CMSS1: variants seen among roughly 807,000 people sequenced by gnomAD.
CMSS1 encodes the protein protein CMSS1.
Under a neutral mutation model 43.5 loss-of-function variants are expected in CMSS1, and 33 were observed. That is an observed-to-expected ratio of 0.76 (90% CI 0.57 to 1.01). The LOEUF (loss-of-function observed/expected upper bound fraction) is 1.01. Among genes scored for constraint, CMSS1 ranks in the 50% least tolerant of loss-of-function variants. CMSS1 has a pLI of 0.00. For missense variants in CMSS1, 313 were observed against 326.4 expected, an observed-to-expected ratio of 0.96 and a Z score of 0.32; for synonymous variants, 115 against 117.2, an observed-to-expected ratio of 0.98 and a Z score of 0.12.
chr3:100,045,372 CAAAG>C (rs766705475), intron 1 of CMSS1, among the ~76,000 whole-genome samples: 11 of 152,144 alleles, frequency 7.2e-5, no homozygotes, highest in Admixed American at 2.0e-4. Context: ...CACTAATTGA[CAAAG>C]AGGAGAGTGG....
intron 1 of CMSS1, among the ~76,000 whole-genome samples, chr3:99,832,259 C>T (rs1242256843): frequency 6.9e-6 from 1 of 144,608 alleles, no homozygotes; most frequent in African/African-American, 2.6e-5. Context: ...GAGACGGAGT[C>T]TCGCTGTATC....
At position 100,172,336 on chromosome 3, in the gene CMSS1, G is replaced by T; in HGVS notation, c.600G>T (p.Leu200Phe). 6.2e-7 allele frequency: 1 copy of T among 1,613,874 alleles called. No individual in the cohort carries two copies. The highest frequency in any genetic ancestry group is 8.5e-7 in the Non-Finnish European group (1 of 1,179,880). ...KHIKVQAQVKLLEKRVVHLGV... is the reference protein window; with the variant it reads ...KHIKVQAQVKFLEKRVVHLGV... ...AACAGGTCCAGGCGCAGGTAAAGTTGCTGGAGAAGCGTGTGGTGCACCTGG... is the reference window on the plus strand; with the variant it reads ...AACAGGTCCAGGCGCAGGTAAAGTTTCTGGAGAAGCGTGTGGTGCACCTGG... Residue 200 changes from leucine to phenylalanine, a missense_variant, in exon 8 of 10, where the codon TTG becomes TTT. Leu to Phe is a conservative substitution (Grantham distance 22, BLOSUM62 0). Transcript: ENST00000421999.
At chr3:99,876,208 T>G (rs894204891) in intron 1 of CMSS1, 1 of 985,342 alleles carries the variant, frequency 1.0e-6, no homozygotes, top group Non-Finnish European at 1.2e-6. Flanking sequence ...CCTATGGGCG[T>G]TACGTCACTG....
At chr3:100,072,035 G>A (rs766136924) in intron 1 of CMSS1, among the ~76,000 whole-genome samples, 5 of 152,198 alleles carry the variant, frequency 3.3e-5, no homozygotes, top group South Asian at 2.1e-4. Context: ...TAATTAGCAC[G>A]TTAGGATAAA....
chr3:100,113,760 A>T (rs1346607865), intron 1 of CMSS1, among the ~76,000 whole-genome samples: 1 of 152,220 alleles, frequency 6.6e-6, no homozygotes, highest in Non-Finnish European at 1.5e-5. Flanking sequence ...TTGACTATCC[A>T]TCTTACTCTT....
intron 1 of CMSS1, among the ~76,000 whole-genome samples, chr3:99,926,829 G>A (rs931690556): frequency 1.3e-5 from 2 of 151,844 alleles, no homozygotes; most frequent in Admixed American, 6.6e-5. Context: ...TTATATGTTC[G>A]TGGTTGTTTG....
chr3:99,849,292 A>G (rs1802924), intron 1 of CMSS1: 2 of 1,614,140 alleles, frequency 1.2e-6, no homozygotes, highest in African/African-American at 2.7e-5. Context: ...TTTAGAAAAT[A>G]CTTGAGGATC....
At chr3:100,100,208 TCTC>T (rs2066280758) in intron 1 of CMSS1, among the ~76,000 whole-genome samples, 1 of 152,078 alleles carries the variant, frequency 6.6e-6, no homozygotes, top group African/African-American at 2.4e-5. Flanking sequence ...CAAGTAGCCT[TCTC>T]CTGAGATATT....
At chr3:100,014,634 T>C (rs1379618812) in intron 1 of CMSS1, among the ~76,000 whole-genome samples, 1 of 152,120 alleles carries the variant, frequency 6.6e-6, no homozygotes, top group African/African-American at 2.4e-5. Context: ...CATTTGGATG[T>C]CTTCTTTTGA....
At chr3:99,881,877 A>G (rs1032308188) in intron 1 of CMSS1, among the ~76,000 whole-genome samples, 5 of 152,160 alleles carry the variant, frequency 3.3e-5, no homozygotes, top group Non-Finnish European at 5.9e-5. Context: ...CCACTGACAG[A>G]TTTTCCCATG....
intron 1 of CMSS1, among the ~76,000 whole-genome samples, chr3:100,026,897 TG>T (rs1403179029): frequency 1.3e-5 from 2 of 152,138 alleles, no homozygotes; most frequent in Middle Eastern, 3.2e-3. Context: ...TTACTCAGCA[TG>T]AAAGCCAAGA....
chr3:99,935,083 TTAAG>T (rs1474079359), intron 1 of CMSS1, among the ~76,000 whole-genome samples: 1 of 152,150 alleles, frequency 6.6e-6, no homozygotes, highest in East Asian at 1.9e-4. Context: ...TGAGAAATAA[TTAAG>T]TATCTAGAGG....
intron 1 of CMSS1, among the ~76,000 whole-genome samples, chr3:99,861,948 C>T (rs1405414196): frequency 1.3e-5 from 2 of 152,146 alleles, no homozygotes; most frequent in Non-Finnish European, 2.9e-5. Flanking sequence ...TAGAGCCTCC[C>T]TCACAATAGG....
chr3:99,983,874 A>G (rs1235284160), intron 1 of CMSS1, among the ~76,000 whole-genome samples: 1 of 152,146 alleles, frequency 6.6e-6, no homozygotes, highest in Non-Finnish European at 1.5e-5. Context: ...ATAACTTGCC[A>G]GAAGAAGTAA....
chr3:100,011,158 C>T (rs1710145046), intron 1 of CMSS1, among the ~76,000 whole-genome samples: 1 of 152,052 alleles, frequency 6.6e-6, no homozygotes, highest in African/African-American at 2.4e-5. Flanking sequence ...TTACTTTTCC[C>T]TAATGGTTCT....
chr3:100,104,639 A>G (rs1239626006), intron 1 of CMSS1, among the ~76,000 whole-genome samples: 1 of 152,154 alleles, frequency 6.6e-6, no homozygotes, highest in Non-Finnish European at 1.5e-5. Flanking sequence ...TCTAAAAGTT[A>G]AGCTTGAGGG....
intron 1 of CMSS1, among the ~76,000 whole-genome samples, chr3:99,984,962 G>A (rs1709287644): frequency 6.6e-6 from 1 of 152,108 alleles, no homozygotes; most frequent in Non-Finnish European, 1.5e-5. Context: ...GCTCTTAGAA[G>A]AAAAGATTTA....
chr3:99,906,402 G>A (rs1286063384), intron 1 of CMSS1, among the ~76,000 whole-genome samples: 1 of 152,010 alleles, frequency 6.6e-6, no homozygotes, highest in Non-Finnish European at 1.5e-5. Flanking sequence ...TGGTTTATAG[G>A]AGTTGTTCAT....
chr3:100,057,498 G>A (rs1347208245), intron 1 of CMSS1, among the ~76,000 whole-genome samples: 1 of 152,098 alleles, frequency 6.6e-6, no homozygotes, highest in Non-Finnish European at 1.5e-5. Flanking sequence ...CATGTTCTTG[G>A]GTAACACTAA....
Sources: allele counts gnomAD v4.1 joint callset (sites outside exome capture counted in the v4.1 genomes callset), GRCh38; gene constraint gnomAD v4.1.1; transcripts MANE v1.5; gene names NCBI Gene and HGNC (gene_info 2026-07-23, HGNC 2026-07-21).